The following UBE3D variants were observed in gnomAD, a reference collection of about 807,000 sequenced individuals.
UBE3D encodes the protein ubiquitin protein ligase E3D.
In UBE3D, 48 loss-of-function variants were observed where a neutral mutation model predicts 49.6. That is an observed-to-expected ratio of 0.97 (90% CI 0.77 to 1.23). The LOEUF (loss-of-function observed/expected upper bound fraction) is 1.23, where lower values mean the gene tolerates loss of function less well. UBE3D is among the 50% of genes most tolerant of loss of function. UBE3D has a pLI of 0.00. For synonymous variants in UBE3D, 189 were observed against 174.2 expected, an observed-to-expected ratio of 1.08 and a Z score of -0.67; for missense variants, 452 against 468.4, an observed-to-expected ratio of 0.96 and a Z score of 0.32.
intron 9 of UBE3D, among the ~76,000 whole-genome samples, chr6:82,946,213 C>A (rs1775388565): frequency 1.3e-5 from 2 of 152,050 alleles, no homozygotes; most frequent in African/African-American, 4.8e-5. Context: ...ATTTAATAAT[C>A]AAACTTCCAA....
intron 8 of UBE3D, among the ~76,000 whole-genome samples, chr6:83,012,242 C>T (rs1170864543): frequency 2.0e-5 from 3 of 152,142 alleles, no homozygotes; most frequent in African/African-American, 4.8e-5. Context: ...AAATCCATAT[C>T]CAAAGTGTCT....
chr6:82,975,025 A>C (rs1245241502), intron 8 of UBE3D, among the ~76,000 whole-genome samples: 1 of 152,130 alleles, frequency 6.6e-6, no homozygotes, highest in East Asian at 1.9e-4. Flanking sequence ...ATTTATAACC[A>C]AAATACTTTT....
At chr6:82,968,063 G>A (rs1477868694) in intron 8 of UBE3D, among the ~76,000 whole-genome samples, 5 of 152,044 alleles carry the variant, frequency 3.3e-5, no homozygotes, top group Admixed American at 6.5e-5. Context: ...TAATAGCTAC[G>A]AGCTGCTATG....
chr6:82,967,584 A>G (rs1186862389), intron 8 of UBE3D, among the ~76,000 whole-genome samples: 1 of 152,124 alleles, frequency 6.6e-6, no homozygotes, highest in Non-Finnish European at 1.5e-5. Flanking sequence ...GTCTTTTTTT[A>G]TAACTCACCA....
At chr6:82,913,494 A>T (rs1772680345) in intron 9 of UBE3D, among the ~76,000 whole-genome samples, 1 of 152,210 alleles carries the variant, frequency 6.6e-6, no homozygotes. Flanking sequence ...TCATTTACCC[A>T]TGACCCACTT....
chr6:82,994,394 C>T (rs1410375828), intron 8 of UBE3D, among the ~76,000 whole-genome samples: 1 of 152,140 alleles, frequency 6.6e-6, no homozygotes, highest in East Asian at 1.9e-4. Flanking sequence ...TGAGCAGTAG[C>T]AGTATTCCAT....
intron 9 of UBE3D, among the ~76,000 whole-genome samples, chr6:82,933,078 T>TG (rs1012879964): frequency 5.3e-5 from 8 of 151,918 alleles, no homozygotes; most frequent in African/African-American, 1.7e-4. Context: ...TGGGTTTTTT[T>TG]GGGGGGTGGG....
chr6:82,976,398 T>C (rs1218756453), intron 8 of UBE3D, among the ~76,000 whole-genome samples: 1 of 152,188 alleles, frequency 6.6e-6, no homozygotes, highest in African/African-American at 2.4e-5. Context: ...GCAACTCAAC[T>C]GTTAAAACAG....
chr6:83,034,866 T>A (rs1162272410), intron 5 of UBE3D, among the ~76,000 whole-genome samples: 7 of 152,060 alleles, frequency 4.6e-5, no homozygotes, highest in South Asian at 2.1e-4. Context: ...AATTTATCAA[T>A]TCCACTTTAT....
Position 82,957,352 on chromosome 6 carries a change from G to A in UBE3D, c.1109C>T (p.Ala370Val). The change falls in exon 9 of 10, where the codon GCC becomes GTC. Residue 370 changes from alanine to valine, a missense_variant. By Grantham distance (64) the Ala-to-Val change is moderately conservative. Transcript: ENST00000369747. Reference protein sequence around the residue: ...ELLLILSKSNANLPSSLRRVN... With the variant: ...ELLLILSKSNVNLPSSLRRVN... ...ACGGCGAAGGGATGAAGGCAGATTG[G>A]CATTACTCTTTGACAATATCAACAG... The A allele has an allele frequency of 6.2e-7, 1 of 1,614,082 alleles. No homozygotes were observed. The highest frequency in any genetic ancestry group is 1.7e-5 in the Admixed American group (1 of 59,986).
At chr6:83,007,884 G>C (rs1169430672) in intron 8 of UBE3D, among the ~76,000 whole-genome samples, 2 of 152,164 alleles carry the variant, frequency 1.3e-5, no homozygotes, top group Non-Finnish European at 2.9e-5. Flanking sequence ...GATTGAGGCT[G>C]CAGTGAGCCG....
intron 9 of UBE3D, among the ~76,000 whole-genome samples, chr6:82,945,440 C>A (rs1331243076): frequency 3.3e-5 from 5 of 152,152 alleles, no homozygotes; most frequent in Non-Finnish European, 5.9e-5. Flanking sequence ...AAGAATAACA[C>A]AATTACTAGG....
chr6:82,941,149 T>A (rs1214726530), intron 9 of UBE3D, among the ~76,000 whole-genome samples: 1 of 152,056 alleles, frequency 6.6e-6, no homozygotes, highest in Non-Finnish European at 1.5e-5. Flanking sequence ...GAGGTTGCAA[T>A]GAGCTGAGAT....
downstream of UBE3D, among the ~76,000 whole-genome samples, chr6:82,890,742 C>T (rs1487134535): frequency 1.3e-5 from 2 of 152,156 alleles, no homozygotes; most frequent in African/African-American, 2.4e-5. Context: ...TTTGACTCAA[C>T]TCGATTTTAT....
intron 9 of UBE3D, among the ~76,000 whole-genome samples, chr6:82,941,938 C>A (rs1775044856): frequency 6.6e-6 from 1 of 152,018 alleles, no homozygotes; most frequent in Non-Finnish European, 1.5e-5. Flanking sequence ...CAAGAAAGGA[C>A]TAATATAGTA....
At chr6:82,933,891 G>T (rs181444914) in intron 9 of UBE3D, among the ~76,000 whole-genome samples, 25 of 152,252 alleles carry the variant, frequency 1.6e-4, no homozygotes, top group Admixed American at 1.5e-3. Flanking sequence ...CTAAAGCCAC[G>T]TGAGTGCCTA....
chr6:82,967,275 T>C (rs1777012457), intron 8 of UBE3D, among the ~76,000 whole-genome samples: 1 of 152,200 alleles, frequency 6.6e-6, no homozygotes, highest in Non-Finnish European at 1.5e-5. Context: ...ATTGATATAA[T>C]TCACCAACCT....
At chr6:83,059,819 A>T (rs1784053347) in intron 1 of UBE3D, among the ~76,000 whole-genome samples, 1 of 152,130 alleles carries the variant, frequency 6.6e-6, no homozygotes, top group South Asian at 2.1e-4. Flanking sequence ...TGGATATGAG[A>T]AACCAAGCAG....
intron 5 of UBE3D, among the ~76,000 whole-genome samples, chr6:83,026,193 C>T (rs1781445613): frequency 6.6e-6 from 1 of 151,920 alleles, no homozygotes; most frequent in African/African-American, 2.4e-5. Context: ...CATACTTAAT[C>T]CCAGCACTTT....
Sources: gnomAD v4.1 joint callset for allele counts (sites outside exome capture counted in the v4.1 genomes callset) on GRCh38, gnomAD v4.1.1 for gene constraint, MANE v1.5 for transcripts, NCBI Gene and HGNC (gene_info 2026-07-23, HGNC 2026-07-21) for gene names.